Variants in ZNF609 observed in about 807,000 individuals in gnomAD.
ZNF609 encodes the protein zinc finger protein 609.
A neutral mutation model predicts 109.5 loss-of-function variants in ZNF609; 11 were observed. The observed-to-expected ratio is 0.10, with a 90% CI of 0.06 to 0.17. The LOEUF (loss-of-function observed/expected upper bound fraction) is 0.17, where lower values mean the gene tolerates loss of function less well. Ranked by LOEUF, ZNF609 falls within the 10% of genes least tolerant of loss-of-function variation. The pLI, the probability that ZNF609 is intolerant of heterozygous loss-of-function variation, is 1.00. For missense variants in ZNF609, 1,559 were observed against 1,772.4 expected (o/e 0.88, Z 2.16); for synonymous variants, 646 against 662.0 (o/e 0.98, Z 0.37).
At chr15:64,645,446 T>A (rs528782214) in intron 3 of ZNF609, among the ~76,000 whole-genome samples, 4 of 152,112 alleles carry the variant, frequency 2.6e-5, no homozygotes, top group African/African-American at 7.2e-5. Context: ...TTTTTTTTTT[T>A]AATTTTTGAA....
chr15:64,591,621 A>G (rs1033560274), intron 2 of ZNF609, among the ~76,000 whole-genome samples: 1 of 151,198 alleles, frequency 6.6e-6, no homozygotes, highest in Non-Finnish European at 1.5e-5. Flanking sequence ...GCTCATGCCT[A>G]TAATCCCAGC....
At chr15:64,553,969 GCTT>G (rs889890783) in intron 2 of ZNF609, among the ~76,000 whole-genome samples, 3 of 152,118 alleles carry the variant, frequency 2.0e-5, no homozygotes, top group African/African-American at 7.2e-5. Flanking sequence ...GTTCTTAGTA[GCTT>G]CTTTTAAGAT....
intron 2 of ZNF609, among the ~76,000 whole-genome samples, chr15:64,530,304 T>C (rs539410925): frequency 6.6e-6 from 1 of 152,276 alleles, no homozygotes; most frequent in South Asian, 2.1e-4. Flanking sequence ...GCCACCGTGC[T>C]GGGCCTGAAT....
At chr15:64,678,977 T>A (rs978109430) in intron 6 of ZNF609, among the ~76,000 whole-genome samples, 5 of 152,246 alleles carry the variant, frequency 3.3e-5, no homozygotes, top group Non-Finnish European at 5.9e-5. Context: ...CATGTTCACC[T>A]GTCAAGTAAG....
chr15:64,622,800 A>T (rs1254655317), intron 2 of ZNF609, 27 bp from the exon 3 acceptor site: 6 of 1,592,186 alleles, frequency 3.8e-6, no homozygotes, highest in Non-Finnish European at 5.2e-6. Flanking sequence ...CCTGCAACTC[A>T]GCTACTACTT....
chr15:64,480,462 C>T (rs558652605), intron 1 of ZNF609, among the ~76,000 whole-genome samples: 9 of 150,746 alleles, frequency 6.0e-5, no homozygotes, highest in Non-Finnish European at 1.3e-4. Flanking sequence ...ACCCAGGAGG[C>T]GGAAGTTGCA....
intron 2 of ZNF609, among the ~76,000 whole-genome samples, chr15:64,549,842 G>A (rs575047056): frequency 6.6e-6 from 1 of 152,272 alleles, no homozygotes; most frequent in Admixed American, 6.5e-5. Context: ...TTGGAGAGCA[G>A]TGGTGCAATC....
chr15:64,667,547 TA>T (rs1014179181), intron 3 of ZNF609, among the ~76,000 whole-genome samples: 1 of 150,920 alleles, frequency 6.6e-6, no homozygotes, highest in Admixed American at 6.6e-5. Flanking sequence ...TGTCTCTGCT[TA>T]AAAAAAATAC....
chr15:64,464,770 A>G (rs934285135), intron 1 of ZNF609, among the ~76,000 whole-genome samples: 3 of 152,166 alleles, frequency 2.0e-5, no homozygotes, highest in African/African-American at 7.2e-5. Flanking sequence ...GGGAACAGGT[A>G]ATTCACCAAA....
chr15:64,635,509 A>G (rs1039870963), intron 3 of ZNF609, among the ~76,000 whole-genome samples: 22 of 152,188 alleles, frequency 1.4e-4, no homozygotes, highest in Admixed American at 3.3e-4. Flanking sequence ...CATGATCTCT[A>G]TGATCCTTCT....
At chr15:64,538,535 T>G (rs1894191731) in intron 2 of ZNF609, among the ~76,000 whole-genome samples, 1 of 152,076 alleles carries the variant, frequency 6.6e-6, no homozygotes, top group African/African-American at 2.4e-5. Context: ...TTTTGTTTGG[T>G]TTTATTTATT....
intron 3 of ZNF609, among the ~76,000 whole-genome samples, chr15:64,653,703 A>G (rs1299026503): frequency 6.6e-6 from 1 of 152,120 alleles, no homozygotes; most frequent in African/African-American, 2.4e-5. Flanking sequence ...TGTTTATTCA[A>G]CCCCACTCCC....
chr15:64,672,522 G>C (rs1283009998), intron 4 of ZNF609, among the ~76,000 whole-genome samples: 1 of 149,252 alleles, frequency 6.7e-6, no homozygotes, highest in Non-Finnish European at 1.5e-5. Context: ...CTACTCGGGA[G>C]CCTGAGGCAG....
intron 2 of ZNF609, among the ~76,000 whole-genome samples, chr15:64,507,083 G>A (rs1010759712): frequency 1.2e-4 from 18 of 152,282 alleles, no homozygotes; most frequent in Admixed American, 1.0e-3. Context: ...GAAGTGGCCT[G>A]TTGAATTTCA....
In ZNF609 at chr15:64,682,988, T is replaced by C. The variant is rs2083219585; in HGVS notation, c.*1302T>C. 6.6e-6 allele frequency: 1 copy of C among 152,664 alleles called. No individual in the cohort carries two copies. Among genetic ancestry groups the C allele is most frequent in the East Asian group, 1.9e-4 (1 of 5,202 alleles). The allele number at this position is 152,664 out of a possible 1,614,324, so 9.5% of individuals were successfully genotyped here. ...TATTAGAGTCTCAGAATGTACTCAG[T>C]GGAGCTGTGCTTTGAGGCAGCCAAC... On this transcript the variant is annotated 3_prime_UTR_variant, in exon 10 of 10. Transcript: ENST00000326648.
chr15:64,649,245 A>G (rs999907131), intron 3 of ZNF609, among the ~76,000 whole-genome samples: 1 of 152,162 alleles, frequency 6.6e-6, no homozygotes, highest in Non-Finnish European at 1.5e-5. Flanking sequence ...CTAAATCTTT[A>G]CATTGTATTT....
intron 2 of ZNF609, among the ~76,000 whole-genome samples, chr15:64,551,525 G>A (rs1263890465): frequency 6.6e-6 from 1 of 151,972 alleles, no homozygotes; most frequent in Non-Finnish European, 1.5e-5. Context: ...GGTAGTGCAT[G>A]CCTGTAATCC....
At chr15:64,596,632 C>T (rs2140943688) in intron 2 of ZNF609, among the ~76,000 whole-genome samples, 1 of 152,294 alleles carries the variant, frequency 6.6e-6, no homozygotes, top group South Asian at 2.1e-4. Flanking sequence ...TCTCTTATCA[C>T]ATGACCTATT....
At chr15:64,632,747 C>T (rs1010600258) in intron 3 of ZNF609, among the ~76,000 whole-genome samples, 3 of 151,958 alleles carry the variant, frequency 2.0e-5, no homozygotes, top group African/African-American at 4.8e-5. Context: ...GGATTACAGA[C>T]GTGAGCCACC....
Sources: allele counts gnomAD v4.1 joint callset (sites outside exome capture counted in the v4.1 genomes callset), GRCh38; gene constraint gnomAD v4.1.1; transcripts MANE v1.5; gene names NCBI Gene and HGNC (gene_info 2026-07-23, HGNC 2026-07-21).